Variants in ZNF638 observed in about 807,000 individuals in gnomAD.
The protein encoded by ZNF638 is zinc finger protein 638.
A neutral mutation model predicts 195.6 loss-of-function variants in ZNF638; 46 were observed. That is an observed-to-expected ratio of 0.24 (90% CI 0.19 to 0.30). The LOEUF (loss-of-function observed/expected upper bound fraction) is 0.30. ZNF638 is among the 10% of genes least tolerant of loss of function. The probability of loss-of-function intolerance (pLI) is 1.00; values close to 1 mark genes in which losing one functional copy is unlikely to be tolerated. For missense variants in ZNF638, 2,440 were observed against 2,325.3 expected (o/e 1.05, Z -1.01); for synonymous variants, 845 against 772.0 (o/e 1.09, Z -1.57).
intron 1 of ZNF638, chr2:71,341,884 A>G (rs1292557400): frequency 6.6e-6 from 1 of 151,938 alleles, no homozygotes; most frequent in Non-Finnish European, 1.5e-5. Flanking sequence ...TTCTTATCAC[A>G]CTGTTTTCAG....
chr2:71,408,053 G>A, intron 19 of ZNF638, 69 bp from the exon 20 acceptor site: 1 of 1,445,864 alleles, frequency 6.9e-7, no homozygotes, highest in African/African-American at 1.4e-5. Flanking sequence ...TGGAATTGTT[G>A]GATTATGTGG....
rs575354369 is a variant in ZNF638 at position 71,391,151 on chromosome 2, C to A, written c.2378-4990C>A. 2.0e-5 allele frequency among the ~76,000 whole-genome samples: 3 copies of A among 152,318 alleles called. No individual in the cohort carries two copies. The South Asian group carries it at 6.2e-4, about 32-fold the overall frequency. ...CCCATTTTCATCATTCCCAAAAGGT[C>A]TGGGAAATGGGGACTTGCATGACTT... On this transcript the variant is annotated intron_variant, in intron 10 of 27. Transcript: ENST00000264447.
intron 16 of ZNF638, among the ~76,000 whole-genome samples, chr2:71,402,901 T>G (rs7565768): frequency 0.9 from 136,975 of 152,026 alleles, 61,771 homozygotes; most frequent in East Asian, 0.99. Flanking sequence ...CCGAGCCAAT[T>G]TGCTTTAGAA....
chr2:71,344,024 G>A (rs1279142881), intron 1 of ZNF638, among the ~76,000 whole-genome samples: 1 of 152,220 alleles, frequency 6.6e-6, no homozygotes, highest in Non-Finnish European at 1.5e-5. Context: ...CAGCTACTCA[G>A]GAGGGCGAGA....
chr2:71,368,591 T>G, intron 7 of ZNF638, 63 bp downstream of exon 7: 1 of 1,566,224 alleles, frequency 6.4e-7, no homozygotes, highest in Non-Finnish European at 8.7e-7. Context: ...TTCTATAAAT[T>G]GCTGTTGTGT....
intron 3 of ZNF638, 105 bp downstream of exon 3, chr2:71,355,885 T>G: frequency 1.8e-6 from 1 of 553,514 alleles, no homozygotes; most frequent in Non-Finnish European, 3.0e-6. Flanking sequence ...GAGAAAAATA[T>G]TTTTGGAAAG....
chr2:71,332,995 A>G (rs2078599883), intron 1 of ZNF638: 2 of 152,044 alleles, frequency 1.3e-5, no homozygotes, highest in South Asian at 2.1e-4. Flanking sequence ...GTAAAGGATT[A>G]TTTTTTCAGG....
At chr2:71,363,883 T>A in intron 4 of ZNF638, 71 bp from the exon 5 acceptor site, 1 of 1,509,282 alleles carries the variant, frequency 6.6e-7, no homozygotes, top group Non-Finnish European at 8.9e-7. Context: ...ACAAGGTACT[T>A]CTGTCATTTA....
At chr2:71,380,799 C>A in intron 10 of ZNF638, 1 of 356,744 alleles carries the variant, frequency 2.8e-6, no homozygotes. Context: ...AAATAGCTAT[C>A]GTAGTTCCAC....
chr2:71,335,629 G>C (rs866393142), intron 1 of ZNF638, among the ~76,000 whole-genome samples: 1 of 152,106 alleles, frequency 6.6e-6, no homozygotes, highest in African/African-American at 2.4e-5. Flanking sequence ...TCATGTGCCT[G>C]TCCAGTTTCA....
chr2:71,403,107 T>A (rs759426752), intron 16 of ZNF638, among the ~76,000 whole-genome samples: 12 of 152,192 alleles, frequency 7.9e-5, no homozygotes, highest in Admixed American at 2.6e-4. Context: ...ATTTGGAGAC[T>A]TAATGAAAAT....
chr2:71,389,720 A>G (rs1404761490), intron 10 of ZNF638, among the ~76,000 whole-genome samples: 2 of 151,890 alleles, frequency 1.3e-5, no homozygotes, highest in Non-Finnish European at 2.9e-5. Flanking sequence ...AAGGATCTTT[A>G]TAAATGTTCG....
rs1260310582 is a variant in ZNF638, at chr2:71,350,364, TAAGG to T, written c.1317+96_1317+99del. 7.1e-6 allele frequency: 9 copies of T among 1,270,986 alleles called. No homozygotes were observed. The Admixed American group carries it at 1.3e-4, about 18-fold the overall frequency. 78.7% of individuals were successfully genotyped at this position (1,270,986 alleles called of 1,614,324 possible). On this transcript the variant is annotated intron_variant, in intron 2 of 27. Coordinates refer to ENST00000264447, the MANE Select transcript of ZNF638 (RefSeq NM_014497.5). ...TGTATGCTGCTTGTTAACTAGGCGT[TAAGG>T]AAATGGCAGAAGGTAATTTTAATTG...
chr2:71,383,513 C>T (rs1182264214), intron 10 of ZNF638, among the ~76,000 whole-genome samples: 1 of 149,692 alleles, frequency 6.7e-6, no homozygotes, highest in Non-Finnish European at 1.5e-5. Context: ...TTCTAGTTTT[C>T]CTAATAATCT....
intron 1 of ZNF638, among the ~76,000 whole-genome samples, chr2:71,347,310 A>G (rs1360295017): frequency 6.6e-6 from 1 of 152,196 alleles, no homozygotes; most frequent in Non-Finnish European, 1.5e-5. Context: ...TTTTGAACAG[A>G]GGAGTTGTGT....
chr2:71,350,342 A>G (rs966443155), intron 2 of ZNF638, 71 bp downstream of exon 2: 14 of 1,443,896 alleles, frequency 9.7e-6, no homozygotes, highest in Middle Eastern at 1.8e-4. Context: ...TCTGATATGT[A>G]TGCTGCTTGT....
At chr2:71,410,560 G>A (rs767996055) in intron 20 of ZNF638, among the ~76,000 whole-genome samples, 2 of 151,932 alleles carry the variant, frequency 1.3e-5, no homozygotes, top group Admixed American at 1.3e-4. Context: ...CACTATTTTA[G>A]GTATTAGAAT....
intron 16 of ZNF638, among the ~76,000 whole-genome samples, chr2:71,403,617 GTC>G (rs1201131568): frequency 6.6e-6 from 1 of 152,070 alleles, no homozygotes; most frequent in African/African-American, 2.4e-5. Context: ...TGGCTAGAAT[GTC>G]TCTTCTTTTT....
intron 1 of ZNF638, among the ~76,000 whole-genome samples, chr2:71,336,489 T>G (rs566927300): frequency 3.9e-5 from 6 of 152,000 alleles, no homozygotes; most frequent in African/African-American, 1.4e-4. Context: ...AATTAACTCC[T>G]ATGTCTAATA....
Sources: allele counts gnomAD v4.1 joint callset (sites outside exome capture counted in the v4.1 genomes callset), GRCh38; gene constraint gnomAD v4.1.1; transcripts MANE v1.5; gene names NCBI Gene and HGNC (gene_info 2026-07-23, HGNC 2026-07-21).